Variants in USP24 observed in about 807,000 individuals in gnomAD.
USP24 encodes the protein ubiquitin specific peptidase 24, also known as ubiquitin carboxyl-terminal hydrolase 24.
Under a neutral mutation model 361.6 loss-of-function variants are expected in USP24, and 97 were observed. That is an observed-to-expected ratio of 0.27 (90% CI 0.23 to 0.32). USP24 has a LOEUF of 0.32. USP24 is among the 10% of genes least tolerant of loss of function. USP24 has a pLI of 1.00. For synonymous variants in USP24, 1,098 were observed against 1,124.6 expected (o/e 0.98, Z 0.47); for missense variants, 2,353 against 3,165.6 (o/e 0.74, Z 6.16).
chr1:55,073,806 TG>T, intron 64 of USP24, 21 bp downstream of exon 64: 1 of 1,552,076 alleles, frequency 6.4e-7, no homozygotes, highest in Non-Finnish European at 8.7e-7. Flanking sequence ...ATTTCCTCCC[TG>T]CATTTTAATT....
intron 42 of USP24, 57 bp downstream of exon 42, chr1:55,103,817 TTA>T: frequency 2.6e-6 from 4 of 1,541,534 alleles, no homozygotes; most frequent in Non-Finnish European, 3.5e-6. Context: ...AGTCTTAAAA[TTA>T]TATGTTTCAG....
chr1:55,098,766 C>T (rs919173199), intron 45 of USP24, among the ~76,000 whole-genome samples: 1 of 152,132 alleles, frequency 6.6e-6, no homozygotes, highest in Non-Finnish European at 1.5e-5. Context: ...AGGGATGGGT[C>T]AGGTAGAGCT....
At chr1:55,155,469 A>G (rs1334326974) in intron 12 of USP24, among the ~76,000 whole-genome samples, 2 of 152,324 alleles carry the variant, frequency 1.3e-5, no homozygotes, top group East Asian at 3.9e-4. Flanking sequence ...ACAATATATA[A>G]ATCATGGTCT....
At chr1:55,119,653 T>A (rs941442709) in intron 38 of USP24, among the ~76,000 whole-genome samples, 2 of 152,134 alleles carry the variant, frequency 1.3e-5, no homozygotes, top group Admixed American at 1.3e-4. Flanking sequence ...TGCCCCTTTT[T>A]AACTTGGCTG....
chr1:55,128,751 C>G (rs372435114), intron 32 of USP24, among the ~76,000 whole-genome samples: 1 of 144,418 alleles, frequency 6.9e-6, no homozygotes, highest in African/African-American at 2.6e-5. Flanking sequence ...GATCTTGTTC[C>G]GTTGCCAGGG....
chr1:55,104,133 A>T (rs1269496281), intron 41 of USP24, 113 bp from the exon 42 acceptor site: 1 of 1,354,292 alleles, frequency 7.4e-7, no homozygotes, highest in Admixed American at 2.6e-5. Flanking sequence ...CCTCAAACAT[A>T]CTTAAGTCAG....
chr1:55,080,589 C>G (rs574898993), intron 59 of USP24, among the ~76,000 whole-genome samples: 41 of 152,272 alleles, frequency 2.7e-4, no homozygotes, highest in African/African-American at 9.6e-4. Flanking sequence ...GCACTGTGTG[C>G]TTTAAACACA....
intron 36 of USP24, 26 bp from the exon 37 acceptor site, chr1:55,121,532 G>A: frequency 1.9e-6 from 3 of 1,599,078 alleles, no homozygotes; most frequent in Non-Finnish European, 1.7e-6. Flanking sequence ...GGGGGATGTG[G>A]GTGTGTGAAA....
intron 28 of USP24, among the ~76,000 whole-genome samples, chr1:55,135,690 A>G (rs1441938764): frequency 6.6e-6 from 1 of 152,202 alleles, no homozygotes; most frequent in Non-Finnish European, 1.5e-5. Context: ...AATTAAAAAG[A>G]TGCAGTCACA....
rs933535573 is a variant in USP24, at chr1:55,214,827, T to A, written c.287A>T (p.Asp96Val). 4.1e-6 allele frequency: 5 copies of A among 1,216,482 alleles called. No individual in the cohort carries two copies. The highest frequency in any genetic ancestry group is 4.5e-5 in the Admixed American group (1 of 22,178). 75.4% of individuals were successfully genotyped at this position (1,216,482 alleles called of 1,614,324 possible). A position where few individuals can be genotyped will look rare whatever the true frequency, so the allele number is the denominator to read the frequency against. ...CACCTCGTGGTAGGCGGGCGGGGGGTCGAAGCCGCCCCCGCCTCCGGTGCT... is the reference window on the plus strand; with the variant it reads ...CACCTCGTGGTAGGCGGGCGGGGGGACGAAGCCGCCCCCGCCTCCGGTGCT... The part of the protein sequence containing the change: ...GGSTGGGGGF[D>V]PPPAYHEVVD... The change falls in exon 1 of 68, where the codon GAC (aspartate) becomes GTC (valine). Residue 96 changes from aspartate to valine, a missense_variant. Around this residue, in one of 8 missense-constraint regions of USP24, gnomAD observed 253 missense variants for 255.3 expected, o/e 0.99. Coordinates refer to ENST00000294383, the MANE Select transcript of USP24 (RefSeq NM_015306.3).
intron 1 of USP24, among the ~76,000 whole-genome samples, chr1:55,178,862 TACAAA>T (rs952004825): frequency 2.0e-5 from 3 of 151,946 alleles, no homozygotes; most frequent in Admixed American, 6.6e-5. Flanking sequence ...CCTGTCTCTC[TACAAA>T]ACAAAACAAA....
chr1:55,203,112 T>C (rs1183071716), intron 1 of USP24, among the ~76,000 whole-genome samples: 2 of 152,176 alleles, frequency 1.3e-5, no homozygotes, highest in African/African-American at 4.8e-5. Flanking sequence ...AAACACAACA[T>C]ATATAGGGTT....
At chr1:55,119,318 T>C (rs1214567749) in intron 38 of USP24, among the ~76,000 whole-genome samples, 1 of 152,102 alleles carries the variant, frequency 6.6e-6, no homozygotes, top group African/African-American at 2.4e-5. Flanking sequence ...GCCAGACATA[T>C]AAGGACAAAT....
chr1:55,178,439 C>T (rs1445777628), intron 1 of USP24, among the ~76,000 whole-genome samples: 2 of 151,668 alleles, frequency 1.3e-5, no homozygotes, highest in African/African-American at 2.4e-5. Context: ...GAGGCCGAGA[C>T]GGGTGGATCA....
At chr1:55,133,751 C>T (rs1646659450) in intron 30 of USP24, among the ~76,000 whole-genome samples, 1 of 151,520 alleles carries the variant, frequency 6.6e-6, no homozygotes, top group African/African-American at 2.4e-5. Flanking sequence ...ATCCTCCTAC[C>T]TCAGCCTCCT....
At chr1:55,147,324 A>G (rs775705308) in intron 18 of USP24, among the ~76,000 whole-genome samples, 1 of 152,200 alleles carries the variant, frequency 6.6e-6, no homozygotes, top group Non-Finnish European at 1.5e-5. Flanking sequence ...AAAACACTAC[A>G]AACTCACAAC....
At chr1:55,072,527 T>G in intron 65 of USP24, 124 bp from the exon 66 acceptor site, 2 of 817,754 alleles carry the variant, frequency 2.4e-6, no homozygotes, top group Non-Finnish European at 1.9e-6. Context: ...ACCCAGACCT[T>G]CCATCACATA....
rs545612851 is a variant in USP24 at position 55,175,342 on chromosome 1, T to TCAG, written c.558+1031_558+1033dup. ...CCCGGGTTCAACAGATTCTCCTGCCTCAGCCTCCTGCGTAGCTGGGATTAT... is the reference window on the plus strand; with the variant it reads ...CCCGGGTTCAACAGATTCTCCTGCCTCAGCAGCCTCCTGCGTAGCTGGGATTAT... On this transcript the variant is annotated intron_variant, in intron 3 of 67. Coordinates refer to ENST00000294383, the MANE Select transcript of USP24 (RefSeq NM_015306.3). Among the ~76,000 whole-genome samples the TCAG allele has an allele frequency of 1.6e-4, 24 of 147,678 alleles. No homozygotes were observed. The East Asian group carries it at 5.1e-3, about 31-fold the overall frequency.
intron 53 of USP24, among the ~76,000 whole-genome samples, chr1:55,092,403 A>G (rs918944292): frequency 6.6e-6 from 1 of 152,250 alleles, no homozygotes; most frequent in African/African-American, 2.4e-5. Context: ...TCAAGAGACT[A>G]AGAATGTTGT....
Sources: gnomAD v4.1 joint callset for allele counts (sites outside exome capture counted in the v4.1 genomes callset) on GRCh38, gnomAD v4.1.1 for gene constraint, gnomAD v4.1.1 regional missense constraint, MANE v1.5 for transcripts, NCBI Gene and HGNC (gene_info 2026-07-23, HGNC 2026-07-21) for gene names.